The following DYNLRB1 variants were observed in gnomAD, a reference collection of about 807,000 sequenced individuals.
DYNLRB1 encodes dynein light chain roadblock-type 1, also known as ROBL/LC7-like 1.
A neutral mutation model predicts 13.5 loss-of-function variants in DYNLRB1; 6 were observed. The observed-to-expected ratio is 0.44, with a 90% CI of 0.24 to 0.88. The LOEUF (loss-of-function observed/expected upper bound fraction) is 0.88. DYNLRB1 is among the 40% of genes least tolerant of loss of function. The pLI is 0.21. For synonymous variants in DYNLRB1, 43 were observed against 45.0 expected (o/e 0.96, Z 0.18); for missense variants, 93 against 127.2 (o/e 0.73, Z 1.29).
intron 3 of DYNLRB1, 28 bp from the exon 4 acceptor site, chr20:34,540,553 G>C (rs1981495445): frequency 1.2e-6 from 2 of 1,602,990 alleles, no homozygotes; most frequent in African/African-American, 2.7e-5. Flanking sequence ...TACATTTAGT[G>C]ATTTTTTTTC....
chr20:34,540,724 A>T lies in DYNLRB1; in HGVS notation c.*100A>T, dbSNP rs2146660268. 2.5e-6 allele frequency: 3 copies of T among 1,210,052 alleles called. No individual in the cohort carries two copies. Among genetic ancestry groups the T allele is most frequent in the African/African-American group, 1.5e-5 (1 of 65,998 alleles). The allele number at this position is 1,210,052 out of a possible 1,614,324, so 75.0% of individuals were successfully genotyped here. Reference sequence around the variant, plus strand: ...GACTAGCACATGGCAGTCGCTTGGAACCCACTCACACCAATCCAGTGACCG... The same window carrying T: ...GACTAGCACATGGCAGTCGCTTGGATCCCACTCACACCAATCCAGTGACCG... On this transcript the variant is annotated 3_prime_UTR_variant, in exon 4 of 4. Transcript: ENST00000357156.
At chr20:34,534,986 C>T (rs575149673) in intron 3 of DYNLRB1, 191 bp downstream of exon 3, 20 of 1,439,104 alleles carry the variant, frequency 1.4e-5, no homozygotes, top group Admixed American at 7.9e-5. Context: ...TCCCAGGGAC[C>T]GGCCCCAGAG....
chr20:34,535,783 T>A (rs1981096996), intron 3 of DYNLRB1: 1 of 985,156 alleles, frequency 1.0e-6, no homozygotes, highest in Non-Finnish European at 1.2e-6. Flanking sequence ...CACAAACACC[T>A]AACTCAGTTG....
Position 34,528,399 on chromosome 20 carries a change from AGGAGAG to A in DYNLRB1, c.79+2058_79+2063del, listed in dbSNP as rs1980429417. 2.1e-5 allele frequency among the ~76,000 whole-genome samples: 3 copies of A among 145,116 alleles called. No homozygotes were observed. The Admixed American group carries it at 2.2e-4, about 11-fold the overall frequency. ...TAAACCAGTTTATGTGAGACTTGGG[AGGAGAG>A]GAGTCCACTGAGACACTGCTGCTGA... On this transcript the variant is annotated intron_variant, in intron 2 of 3. Coordinates refer to ENST00000357156, the MANE Select transcript of DYNLRB1 (RefSeq NM_014183.4).
intron 3 of DYNLRB1, chr20:34,536,167 G>T: frequency 3.0e-6 from 3 of 985,466 alleles, no homozygotes; most frequent in Non-Finnish European, 3.6e-6. Flanking sequence ...GCTTCTGTGT[G>T]TAATGCCTGA....
intron 1 of DYNLRB1, among the ~76,000 whole-genome samples, chr20:34,518,199 G>T (rs141500649): frequency 7.1e-4 from 107 of 151,728 alleles, no homozygotes; most frequent in Middle Eastern, 3.4e-3. Flanking sequence ...TTTATTTCTG[G>T]GTCCTCTATT....
Position 34,534,713 on chromosome 20 carries a change from C to T in DYNLRB1, c.165C>T (p.Ser55=), listed in dbSNP as rs1220703194. 3 of 1,612,628 alleles carry T rather than the reference C, an allele frequency of 1.9e-6. No homozygotes were observed. Among genetic ancestry groups the T allele is most frequent in the Non-Finnish European group, 2.5e-6 (3 of 1,179,078 alleles). Residue 55 remains serine (S), a synonymous_variant, in exon 3 of 4, where the codon AGC becomes AGT. Transcript: ENST00000357156. ...LMHSFILKAR[S]TVRDIDPQND... is the part of the protein sequence containing the mutation. The stretch of plus-strand genomic sequence containing the variant: ...ACAGCTTCATCCTGAAGGCACGGAG[C>T]ACCGTGCGTGACATCGACCCCCAGA...
chr20:34,521,586 A>G (rs544419426), intron 1 of DYNLRB1, among the ~76,000 whole-genome samples: 5 of 152,258 alleles, frequency 3.3e-5, no homozygotes, highest in African/African-American at 1.2e-4. Context: ...TCCAGTGGTC[A>G]TCCCTCCTAT....
At chr20:34,530,546 C>T (rs1424723552) in intron 2 of DYNLRB1, 1 of 153,582 alleles carries the variant, frequency 6.5e-6, no homozygotes, top group Non-Finnish European at 1.4e-5. Flanking sequence ...TCGTTTACAT[C>T]TCACACAGTG....
intron 2 of DYNLRB1, among the ~76,000 whole-genome samples, chr20:34,533,110 A>T (rs542320038): frequency 6.1e-4 from 93 of 152,360 alleles, no homozygotes; most frequent in Non-Finnish European, 1.1e-3. Flanking sequence ...GCGGTGGCTC[A>T]GTGTGAGCCG....
intron 2 of DYNLRB1, among the ~76,000 whole-genome samples, chr20:34,534,414 G>A (rs1188774867): frequency 1.3e-5 from 2 of 152,194 alleles, no homozygotes; most frequent in African/African-American, 4.8e-5. Flanking sequence ...CCTCATGGGC[G>A]AATGAGATGG....
Position 34,535,458 on chromosome 20 carries a change from C to G in DYNLRB1, c.247+663C>G, listed in dbSNP as rs191870203. 6 of 817,544 alleles carry G rather than the reference C, an allele frequency of 7.3e-6. No individual in the cohort carries two copies. In the East Asian group the frequency reaches 7.5e-4, roughly 103 times the overall value. The allele number at this position is 817,544 out of a possible 1,614,324, so 50.6% of individuals were successfully genotyped here. On this transcript the variant is annotated intron_variant, in intron 3 of 3. Transcript: ENST00000357156. ...TGTGTTTAGTCCTTAGGATCATTCT[C>G]AGGGTGAGGAGATGCTCATTCTGGG...
At chr20:34,523,533 G>A (rs1979931718) in intron 1 of DYNLRB1, among the ~76,000 whole-genome samples, 1 of 152,036 alleles carries the variant, frequency 6.6e-6, no homozygotes, top group South Asian at 2.1e-4. Context: ...CCCACCCCAG[G>A]GCTTTTGTGC....
intron 2 of DYNLRB1, among the ~76,000 whole-genome samples, chr20:34,533,215 A>G (rs1396107489): frequency 6.6e-6 from 1 of 152,238 alleles, no homozygotes; most frequent in Admixed American, 6.5e-5. Context: ...AAGGCTTGGT[A>G]TACGGTGATG....
chr20:34,522,947 A>G (rs556489137), intron 1 of DYNLRB1, among the ~76,000 whole-genome samples: 1 of 152,298 alleles, frequency 6.6e-6, no homozygotes, highest in East Asian at 1.9e-4. Flanking sequence ...TTGTTCCTTC[A>G]GTATTTATTG....
At chr20:34,527,386 A>G (rs1291921907) in intron 2 of DYNLRB1, among the ~76,000 whole-genome samples, 1 of 152,244 alleles carries the variant, frequency 6.6e-6, no homozygotes, top group Non-Finnish European at 1.5e-5. Context: ...TATCTACCTT[A>G]TAAGTTGAAG....
At chr20:34,520,863 A>G (rs1161563224) in intron 1 of DYNLRB1, among the ~76,000 whole-genome samples, 1 of 152,204 alleles carries the variant, frequency 6.6e-6, no homozygotes, top group African/African-American at 2.4e-5. Flanking sequence ...AATTCTTAGG[A>G]AAATAATTTC....
chr20:34,531,399 G>A (rs923863771), intron 2 of DYNLRB1, among the ~76,000 whole-genome samples: 2 of 152,174 alleles, frequency 1.3e-5, no homozygotes, highest in African/African-American at 4.8e-5. Context: ...TAACTAGGCC[G>A]TCTCAGGTCT....
At chr20:34,516,372 C>A, upstream of DYNLRB1, 2 of 1,577,742 alleles carry the variant, frequency 1.3e-6, no homozygotes, top group South Asian at 2.3e-5. Context: ...CTAGAGCTGT[C>A]CGTTTTGACA....
Sources: gnomAD v4.1 joint callset for allele counts (sites outside exome capture counted in the v4.1 genomes callset) on GRCh38, gnomAD v4.1.1 for gene constraint, MANE v1.5 for transcripts, NCBI Gene and HGNC (gene_info 2026-07-23, HGNC 2026-07-21) for gene names.